Variants in COL13A1 observed in about 807,000 individuals in gnomAD.
COL13A1 encodes the protein collagen alpha-1(XIII) chain.
Under a neutral mutation model 130.9 loss-of-function variants are expected in COL13A1, and 89 were observed. The ratio of observed to expected loss-of-function variants is 0.68; its 90% CI spans 0.57 to 0.81. The LOEUF is 0.81. COL13A1 is among the 30% of genes least tolerant of loss of function. COL13A1 has a pLI of 0.00. For synonymous variants in COL13A1, 402 were observed against 341.6 expected, an observed-to-expected ratio of 1.18 and a Z score of -1.95; for missense variants, 879 against 934.6, an observed-to-expected ratio of 0.94 and a Z score of 0.78.
chr10:69,904,858 T>A, intron 15 of COL13A1, 75 bp from the exon 16 acceptor site: 1 of 1,500,168 alleles, frequency 6.7e-7, no homozygotes, highest in South Asian at 1.2e-5. Context: ...TAGGGTCTAC[T>A]GTAAGTATGG....
At chr10:69,861,592 C>T (rs987272208) in intron 2 of COL13A1, among the ~76,000 whole-genome samples, 1 of 152,148 alleles carries the variant, frequency 6.6e-6, no homozygotes, top group African/African-American at 2.4e-5. Context: ...CTCAGTCCTG[C>T]CTGATTAGTT....
At chr10:69,811,595 C>T (rs1259388077) in intron 1 of COL13A1, among the ~76,000 whole-genome samples, 1 of 152,156 alleles carries the variant, frequency 6.6e-6, no homozygotes, top group Non-Finnish European at 1.5e-5. Flanking sequence ...CGGACACCTC[C>T]AGCCTCACCC....
chr10:69,889,467 C>T (rs764060341), intron 10 of COL13A1, 27 bp downstream of exon 10: 17 of 1,608,472 alleles, frequency 1.1e-5, no homozygotes, highest in African/African-American at 9.4e-5. Context: ...CCTGCCTTCC[C>T]GAGATGGGTG....
intron 2 of COL13A1, among the ~76,000 whole-genome samples, chr10:69,856,747 G>A (rs984096473): frequency 3.3e-5 from 5 of 152,194 alleles, no homozygotes; most frequent in African/African-American, 1.2e-4. Flanking sequence ...TTCCTGGGAA[G>A]GGCCCAAGGT....
At chr10:69,838,105 C>T (rs3858152) in intron 2 of COL13A1, among the ~76,000 whole-genome samples, 2 of 152,216 alleles carry the variant, frequency 1.3e-5, no homozygotes, top group Admixed American at 6.5e-5. Flanking sequence ...GCAAGGTCTG[C>T]GCCTGCTCCA....
At chr10:69,854,093 T>TC (rs1189692022) in intron 2 of COL13A1, among the ~76,000 whole-genome samples, 1 of 152,246 alleles carries the variant, frequency 6.6e-6, no homozygotes, top group Non-Finnish European at 1.5e-5. Context: ...CTCCTCGGCC[T>TC]CCCGAGAACC....
chr10:69,884,985 G>T (rs563883257), intron 7 of COL13A1, among the ~76,000 whole-genome samples: 2 of 152,188 alleles, frequency 1.3e-5, no homozygotes, highest in Non-Finnish European at 2.9e-5. Flanking sequence ...TTAGTAAAAG[G>T]TAAAATGAAA....
intron 20 of COL13A1, among the ~76,000 whole-genome samples, chr10:69,919,457 T>G (rs1005801141): frequency 6.6e-6 from 1 of 152,284 alleles, no homozygotes; most frequent in Non-Finnish European, 1.5e-5. Flanking sequence ...TCAGAACCTT[T>G]AATTTGCTAA....
chr10:69,895,873 CTG>C (rs1303694839), intron 13 of COL13A1, among the ~76,000 whole-genome samples: 3 of 152,160 alleles, frequency 2.0e-5, no homozygotes, highest in Non-Finnish European at 4.4e-5. Context: ...GAGTCTCCTG[CTG>C]TGTGTCTGGA....
intron 14 of COL13A1, among the ~76,000 whole-genome samples, chr10:69,901,473 G>T (rs140928320): frequency 3.3e-5 from 5 of 152,106 alleles, no homozygotes; most frequent in East Asian, 1.9e-4. Flanking sequence ...TGCCTTCCTC[G>T]CATGGGGAAG....
chr10:69,858,979 C>T (rs1423541546), intron 2 of COL13A1, among the ~76,000 whole-genome samples: 1 of 152,152 alleles, frequency 6.6e-6, no homozygotes, highest in Non-Finnish European at 1.5e-5. Flanking sequence ...GACTGCCTGT[C>T]AGGGCAGTTA....
chr10:69,855,812 C>T (rs1048539208), intron 2 of COL13A1, among the ~76,000 whole-genome samples: 1 of 24,470 alleles, frequency 4.1e-5, no homozygotes, highest in Non-Finnish European at 1.2e-4. Context: ...TGCAAGCACA[C>T]TTGTCATTGT....
rs1230051691 is a variant in COL13A1, at chr10:69,810,376, G to GAGAGAGAGAGAGACACAGAGAC, written c.294+7664_294+7665insGAGAGAGACACAGAGACAGAGA. 5.9e-3 allele frequency among the ~76,000 whole-genome samples: 782 copies of GAGAGAGAGAGAGACACAGAGAC among 133,504 alleles called. 43 individuals carry two copies. The East Asian group carries it at 0.07, about 12-fold the overall frequency. The allele number at this position is 133,504 out of a possible 152,430, so 87.6% of individuals were successfully genotyped here. On this transcript the variant is annotated intron_variant, in intron 1 of 40. Coordinates refer to ENST00000645393, the MANE Select transcript of COL13A1 (RefSeq NM_001368882.1). ...AGAGAGAGAGAGAGAGAGAGAGAGA[G>GAGAGAGAGAGAGACACAGAGAC]AGAGACAGAGAGTCTGTGTGGCCCA...
intron 1 of COL13A1, among the ~76,000 whole-genome samples, chr10:69,805,334 G>T (rs981159301): frequency 6.6e-6 from 1 of 152,096 alleles, no homozygotes; most frequent in Non-Finnish European, 1.5e-5. Flanking sequence ...TCAGAGAGGG[G>T]TGACTGGAAA....
intron 14 of COL13A1, among the ~76,000 whole-genome samples, chr10:69,901,980 T>C (rs563770498): frequency 1.3e-5 from 2 of 152,224 alleles, no homozygotes; most frequent in African/African-American, 4.8e-5. Flanking sequence ...GCAGGCTCAA[T>C]TGCCCTCCCA....
Position 69,927,095 on chromosome 10 carries a change from G to C in COL13A1, c.1407G>C (p.Arg469=), listed in dbSNP as rs2135746160. ...GNINEALQEI[R]TLALMGPPGL... Reference sequence around the variant, plus strand: ...TGGTGTTGGTTTTTTAGGAGATCCGGACGCTGGCCTTGATGGTAAGTTTTG... The same window carrying C: ...TGGTGTTGGTTTTTTAGGAGATCCGCACGCTGGCCTTGATGGTAAGTTTTG... Residue 469 remains arginine, a synonymous_variant, in exon 27 of 41, where the codon CGG becomes CGC. Transcript: ENST00000645393. The C allele has an allele frequency of 6.2e-7, 1 of 1,613,934 alleles. No individual in the cohort carries two copies. The highest frequency in any genetic ancestry group is 1.1e-5 in the South Asian group (1 of 91,074).
chr10:69,847,280 G>A (rs1236108459), intron 2 of COL13A1, among the ~76,000 whole-genome samples: 2 of 152,132 alleles, frequency 1.3e-5, no homozygotes, highest in Non-Finnish European at 2.9e-5. Context: ...TATGAGTCAG[G>A]GCTGGGGTGT....
At chr10:69,855,241 G>T (rs140855822) in intron 2 of COL13A1, among the ~76,000 whole-genome samples, 1 of 152,284 alleles carries the variant, frequency 6.6e-6, no homozygotes, top group African/African-American at 2.4e-5. Flanking sequence ...TGGTGGTGCC[G>T]TTCAGCCAGA....
In COL13A1 at chr10:69,887,424, A is replaced by G. The variant is rs74496708; in HGVS notation, c.514-32A>G. On this transcript the variant is annotated intron_variant, in intron 7 of 40. Transcript: ENST00000645393. Reference sequence around the variant, plus strand: ...ATTGGCTCTGTCTCCTCCTTGCTCAATCTCATGTGTCTCTTGTTTTTTTTT... The same window carrying G: ...ATTGGCTCTGTCTCCTCCTTGCTCAGTCTCATGTGTCTCTTGTTTTTTTTT... The G allele has an allele frequency of 1.2e-4, 194 of 1,608,194 alleles. No individual in the cohort carries two copies. The African/African-American group carries it at 2.4e-3, about 20-fold the overall frequency.
Sources: gnomAD v4.1 joint callset for allele counts (sites outside exome capture counted in the v4.1 genomes callset) on GRCh38, gnomAD v4.1.1 for gene constraint, MANE v1.5 for transcripts, NCBI Gene and HGNC (gene_info 2026-07-23, HGNC 2026-07-21) for gene names.